Variants in HS6ST3 observed in about 807,000 individuals in gnomAD.
The protein encoded by HS6ST3 is heparan sulfate 6-O-sulfotransferase 3.
A neutral mutation model predicts 36.7 loss-of-function variants in HS6ST3; 12 were observed. That is an observed-to-expected ratio of 0.33 (90% CI 0.21 to 0.53). The LOEUF (loss-of-function observed/expected upper bound fraction) is 0.53. HS6ST3 is among the 20% of genes least tolerant of loss of function. The pLI is 0.95. For synonymous variants in HS6ST3, 240 were observed against 257.5 expected, an observed-to-expected ratio of 0.93 and a Z score of 0.65; for missense variants, 584 against 640.9, an observed-to-expected ratio of 0.91 and a Z score of 0.96.
intron 1 of HS6ST3, among the ~76,000 whole-genome samples, chr13:96,611,297 A>G (rs1320318727): frequency 6.6e-6 from 1 of 151,956 alleles, no homozygotes; most frequent in Non-Finnish European, 1.5e-5. Flanking sequence ...AAAAATAGAC[A>G]TTTATTTGAT....
chr13:96,473,514 C>A (rs1376023402), intron 1 of HS6ST3, among the ~76,000 whole-genome samples: 1 of 152,140 alleles, frequency 6.6e-6, no homozygotes, highest in Non-Finnish European at 1.5e-5. Flanking sequence ...GAGATGAAAT[C>A]CTAAGTGTCT....
intron 1 of HS6ST3, among the ~76,000 whole-genome samples, chr13:96,107,199 G>T (rs946876913): frequency 6.6e-6 from 1 of 152,162 alleles, no homozygotes; most frequent in Admixed American, 6.5e-5. Context: ...TAGTATGGGG[G>T]TTGTAGGAGT....
chr13:96,760,077 T>C (rs1466395240), intron 1 of HS6ST3, among the ~76,000 whole-genome samples: 1 of 152,070 alleles, frequency 6.6e-6, no homozygotes, highest in East Asian at 1.9e-4. Context: ...ATATCTGCAA[T>C]CCAATTGTAA....
chr13:96,458,432 C>A (rs1184320126), intron 1 of HS6ST3, among the ~76,000 whole-genome samples: 1 of 152,020 alleles, frequency 6.6e-6, no homozygotes, highest in Non-Finnish European at 1.5e-5. Flanking sequence ...CTGCTCAGTT[C>A]TTTTAATGGA....
intron 1 of HS6ST3, among the ~76,000 whole-genome samples, chr13:96,822,021 T>C (rs866596507): frequency 2.2e-4 from 34 of 152,222 alleles, no homozygotes; most frequent in Admixed American, 2.6e-4. Context: ...AGACACCTCA[T>C]GGTTTCTACC....
intron 1 of HS6ST3, among the ~76,000 whole-genome samples, chr13:96,611,502 A>C (rs1365736953): frequency 6.6e-6 from 1 of 152,190 alleles, no homozygotes; most frequent in Admixed American, 6.5e-5. Context: ...TATGACCTCT[A>C]CCTTCAAAGA....
chr13:96,407,863 A>T (rs1566352282), intron 1 of HS6ST3, among the ~76,000 whole-genome samples: 4 of 152,244 alleles, frequency 2.6e-5, no homozygotes, highest in Admixed American at 6.5e-5. Context: ...GTTAAATAAA[A>T]TGTCAAGGCT....
chr13:96,697,830 A>G (rs2138450015), intron 1 of HS6ST3, among the ~76,000 whole-genome samples: 1 of 152,254 alleles, frequency 6.6e-6, no homozygotes, highest in African/African-American at 2.4e-5. Flanking sequence ...GGCCTTCAAG[A>G]TGTGGTACAA....
chr13:96,691,909 T>C (rs1257879217), intron 1 of HS6ST3, among the ~76,000 whole-genome samples: 1 of 152,064 alleles, frequency 6.6e-6, no homozygotes, highest in Non-Finnish European at 1.5e-5. Flanking sequence ...TGATAGAAAT[T>C]AAACAATGCA....
At position 96,812,489 on chromosome 13, in the gene HS6ST3, C is replaced by T. The variant is rs577692269; in HGVS notation, c.708-20001C>T. 3.9e-4 allele frequency among the ~76,000 whole-genome samples: 59 copies of T among 152,238 alleles called. No individual in the cohort carries two copies. In the South Asian group the frequency reaches 5.2e-3, roughly 13 times the overall value. On this transcript the variant is annotated intron_variant, in intron 1 of 1. Transcript: ENST00000376705. ...AAACACACCAATGTAGACATGTTAC[C>T]GAGCAAAACCAGCCCTCCTGAAAAG...
intron 1 of HS6ST3, among the ~76,000 whole-genome samples, chr13:96,215,457 GTTACCAGTCAAAA>G (rs1294348474): frequency 6.6e-6 from 1 of 152,134 alleles, no homozygotes; most frequent in Non-Finnish European, 1.5e-5. Context: ...TTTCCCATGT[GTTACCAGTCAAAA>G]TTATTTCTTG....
intron 1 of HS6ST3, among the ~76,000 whole-genome samples, chr13:96,437,430 C>T (rs1320037708): frequency 6.6e-6 from 1 of 152,184 alleles, no homozygotes; most frequent in African/African-American, 2.4e-5. Context: ...TTTACATTTT[C>T]TGAAGGCAAG....
Position 96,583,021 on chromosome 13 carries a change from G to A in HS6ST3, c.708-249469G>A, listed in dbSNP as rs571670507. On this transcript the variant is annotated intron_variant, in intron 1 of 1. Coordinates refer to ENST00000376705, the MANE Select transcript of HS6ST3 (RefSeq NM_153456.4). ...TTATCTGGCCACTCCATGCATGAAC[G>A]CTTCCAGGTCATCATCCTATTTCTC... is the stretch of plus-strand genomic sequence containing the variant. Among the ~76,000 whole-genome samples the A allele has an allele frequency of 9.1e-4, 138 of 151,840 alleles. 1 individual carries two copies. Among genetic ancestry groups the A allele is most frequent in the African/African-American group, 3.1e-3 (130 of 41,412 alleles).
At chr13:96,254,490 TATATATATAC>T (rs2054626617) in intron 1 of HS6ST3, among the ~76,000 whole-genome samples, 1 of 27,426 alleles carries the variant, frequency 3.6e-5, no homozygotes, top group African/African-American at 1.4e-4. Flanking sequence ...TATATATATA[TATATATATAC>T]ACATACATAC....
chr13:96,243,539 C>A (rs2054571176), intron 1 of HS6ST3, among the ~76,000 whole-genome samples: 1 of 152,144 alleles, frequency 6.6e-6, no homozygotes, highest in African/African-American at 2.4e-5. Flanking sequence ...TTTGGAACAA[C>A]AAAGTTGTCA....
intron 1 of HS6ST3, among the ~76,000 whole-genome samples, chr13:96,816,746 G>A (rs987254974): frequency 6.6e-6 from 1 of 152,152 alleles, no homozygotes; most frequent in Non-Finnish European, 1.5e-5. Context: ...TTAGATTAGA[G>A]AAAAGGCAGT....
chr13:96,463,885 AG>A (rs1257560042), intron 1 of HS6ST3, among the ~76,000 whole-genome samples: 1 of 152,130 alleles, frequency 6.6e-6, no homozygotes, highest in Non-Finnish European at 1.5e-5. Flanking sequence ...TTTACCACCC[AG>A]TAAAGCTATC....
chr13:96,267,601 T>A (rs1196203488), intron 1 of HS6ST3, among the ~76,000 whole-genome samples: 1 of 150,502 alleles, frequency 6.6e-6, no homozygotes, highest in African/African-American at 2.5e-5. Flanking sequence ...CCATGTAGTT[T>A]AAGTTTCATC....
intron 1 of HS6ST3, among the ~76,000 whole-genome samples, chr13:96,758,148 T>G (rs1876879502): frequency 6.6e-6 from 1 of 151,964 alleles, no homozygotes; most frequent in Non-Finnish European, 1.5e-5. Context: ...TTTTTTCTAT[T>G]TTTCTTGTGC....
Sources: gnomAD v4.1 joint callset for allele counts (sites outside exome capture counted in the v4.1 genomes callset) on GRCh38, gnomAD v4.1.1 for gene constraint, MANE v1.5 for transcripts, NCBI Gene and HGNC (gene_info 2026-07-23, HGNC 2026-07-21) for gene names.